Variants in SMTN observed in about 807,000 individuals in gnomAD.
SMTN encodes the protein smoothelin.
A neutral mutation model predicts 102.0 loss-of-function variants in SMTN; 58 were observed. The observed-to-expected ratio is 0.57, with a 90% CI of 0.46 to 0.71. The LOEUF (loss-of-function observed/expected upper bound fraction) is 0.71, where lower values mean the gene tolerates loss of function less well. Ranked by LOEUF, SMTN falls within the 30% of genes least tolerant of loss-of-function variation. The pLI, the probability that SMTN is intolerant of heterozygous loss-of-function variation, is 0.00. For synonymous variants in SMTN, 478 were observed against 497.9 expected (o/e 0.96, Z 0.53); for missense variants, 1,185 against 1,241.7 (o/e 0.95, Z 0.69).
intron 1 of SMTN, among the ~76,000 whole-genome samples, chr22:31,072,903 C>T (rs984099885): frequency 4.6e-4 from 70 of 152,114 alleles, no homozygotes; most frequent in Admixed American, 3.8e-3. Flanking sequence ...GGACTACAGG[C>T]GTGCGGCACC....
In SMTN at chr22:31,099,094, G is replaced by T. The variant is rs769465375; in HGVS notation, c.2366G>T (p.Arg789Leu). Residue 789 changes from arginine to leucine, a missense_variant, in exon 18 of 21, where the codon CGA becomes CTA. By Grantham distance (102) the Arg-to-Leu change is moderately radical. This residue lies in a region of SMTN where 1,096 missense variants were observed against 1,112.7 expected (regional missense o/e 0.98). Coordinates refer to ENST00000333137, the MANE Select transcript of SMTN (RefSeq NM_134269.3). ...GGCGGACCCCGCGCAGCCGTGCAGC[G>T]ATCCACCAGCTTCGGGGTCCCCAAC... ...SPGGPRAAVQ[R>L]STSFGVPNAN... 1.1e-5 allele frequency: 17 copies of T among 1,612,862 alleles called. No homozygotes were observed. The African/African-American group carries it at 2.3e-4, about 22-fold the overall frequency.
At chr22:31,098,897 G>A (rs2043844951) in intron 17 of SMTN, 57 bp downstream of exon 17, 6 of 1,464,716 alleles carry the variant, frequency 4.1e-6, no homozygotes, top group East Asian at 2.3e-5. Context: ...GCAGTGGGGG[G>A]CGGGGCTTGA....
rs762105317 is a variant in SMTN, at chr22:31,091,485, A to G, written c.1459+3A>G. 1 of 1,519,014 alleles carries G rather than the reference A, an allele frequency of 6.6e-7. No individual in the cohort carries two copies. The highest frequency in any genetic ancestry group is 8.8e-7 in the Non-Finnish European group (1 of 1,137,220). 94.1% of individuals were successfully genotyped at this position (1,519,014 alleles called of 1,614,324 possible). On this transcript the variant is annotated splice_donor_region_variant and intron_variant, in intron 10 of 20. Coordinates refer to ENST00000333137, the MANE Select transcript of SMTN (RefSeq NM_134269.3). ...GCCCACAGGCAACCAGAGGGCAGGT[A>G]GGCGCCCCCCACTGCCTCCCCAATG...
chr22:31,104,395 TTCAC>T lies in SMTN; in HGVS notation c.*101_*104del. The T allele has an allele frequency of 6.2e-7, 1 of 1,614,166 alleles. No individual in the cohort carries two copies. The highest frequency in any genetic ancestry group is 8.5e-7 in the Non-Finnish European group (1 of 1,180,020). ...CAAGAAGCCTGACCCCAAGTGTGTCTTCACCTATGTGCAGTCGCTCTACAACCAC... is the reference window on the plus strand; with the variant it reads ...CAAGAAGCCTGACCCCAAGTGTGTCTCTATGTGCAGTCGCTCTACAACCAC... On this transcript the variant is annotated 3_prime_UTR_variant, in exon 21 of 21. Coordinates refer to ENST00000333137, the MANE Select transcript of SMTN (RefSeq NM_134269.3).
chr22:31,098,869 G>A, intron 17 of SMTN, 29 bp downstream of exon 17: 1 of 1,551,924 alleles, frequency 6.4e-7, no homozygotes, highest in Non-Finnish European at 8.7e-7. Flanking sequence ...CTGGGCAGTG[G>A]GGGGCGGGGC....
chr22:31,073,502 C>G (rs182717875), intron 1 of SMTN, among the ~76,000 whole-genome samples: 29 of 152,256 alleles, frequency 1.9e-4, no homozygotes, highest in African/African-American at 6.7e-4. Context: ...TTTCCACATG[C>G]AGAGGATTCA....
At chr22:31,068,597 C>T (rs2041921965) in intron 1 of SMTN, among the ~76,000 whole-genome samples, 1 of 152,258 alleles carries the variant, frequency 6.6e-6, no homozygotes, top group Non-Finnish European at 1.5e-5. Flanking sequence ...ACCAAGGGGT[C>T]ACATGCATCC....
intron 1 of SMTN, chr22:31,082,716 G>GC: frequency 2.9e-6 from 2 of 691,652 alleles, no homozygotes; most frequent in South Asian, 3.6e-5. Flanking sequence ...GGTGGTGGCA[G>GC]CAAGAACTAC....
In SMTN at chr22:31,098,797, C is replaced by G. The variant is rs752002648; in HGVS notation, c.2290C>G (p.Arg764Gly). 4 of 1,612,616 alleles carry G rather than the reference C, an allele frequency of 2.5e-6. No individual in the cohort carries two copies. Among genetic ancestry groups the G allele is most frequent in the Non-Finnish European group, 3.4e-6 (4 of 1,179,778 alleles). Residue 764 changes from arginine (R) to glycine (G), a missense_variant, in exon 17 of 21, where the codon CGC (arginine) becomes GGC (glycine). By Grantham distance (125) the Arg-to-Gly change is moderately radical. This residue lies in a region of SMTN where 1,096 missense variants were observed against 1,112.7 expected (regional missense o/e 0.98). Coordinates refer to ENST00000333137, the MANE Select transcript of SMTN (RefSeq NM_134269.3). Reference sequence around the variant, plus strand: ...GCCCAAGACCTCAGCCTCCCAGGCGCGCAAGGCCATGATTGAGAAGCTGGA... The same window carrying G: ...GCCCAAGACCTCAGCCTCCCAGGCGGGCAAGGCCATGATTGAGAAGCTGGA... ...SLPKTSASQA[R>G]KAMIEKLEKE... is the part of the protein sequence containing the mutation.
At chr22:31,092,530 G>A (rs1386839196) in intron 11 of SMTN, 1 of 471,130 alleles carries the variant, frequency 2.1e-6, no homozygotes, top group African/African-American at 2.0e-5. Context: ...CGGCTGCCCA[G>A]GTAATGCCCT....
rs59040826 is a variant in SMTN, at chr22:31,073,011, C to CTTTT, written c.-385-7421_-385-7418dup. Among the ~76,000 whole-genome samples the CTTTT allele has an allele frequency of 8.2e-5, 7 of 85,664 alleles. 1 individual carries two copies. Among genetic ancestry groups the CTTTT allele is most frequent in the African/African-American group, 2.0e-4 (4 of 19,622 alleles). The allele number at this position is 85,664 out of a possible 152,430, so 56.2% of individuals were successfully genotyped here. A position where few individuals can be genotyped will look rare whatever the true frequency, so the allele number is the denominator to read the frequency against. The stretch of plus-strand genomic sequence containing the variant: ...GCTGAAGTTGATTCTCTCTCTCTCT[C>CTTTT]TTTTTTTTTTTTTTTTTTTTTGAGA... On this transcript the variant is annotated intron_variant, in intron 1 of 3. Coordinates refer to the SMTN transcript ENST00000422839.
At chr22:31,085,130 C>A in intron 2 of SMTN, 1 of 1,535,464 alleles carries the variant, frequency 6.5e-7, no homozygotes, top group Non-Finnish European at 8.7e-7. Flanking sequence ...CACCACCCGC[C>A]GGGACGCCCT....
chr22:31,097,045 G>GTGAGGCGCT lies in SMTN; in HGVS notation c.2075_2083dup (p.Arg694_Ser695insLeuArgArg), dbSNP rs1569264099. The GTGAGGCGCT allele has an allele frequency of 1.9e-6, 3 of 1,614,118 alleles. No homozygotes were observed. Among genetic ancestry groups the GTGAGGCGCT allele is most frequent in the Non-Finnish European group, 2.5e-6 (3 of 1,180,030 alleles). ...CACCACCACAGTGGAGTCGAGTTTC[G>GTGAGGCGCT]TGAGGCGCTCGGAGAGTAAGGCCAC... On this transcript the variant is annotated inframe_insertion, in exon 15 of 21. Transcript: ENST00000333137.
At position 31,099,187 on chromosome 22, in the gene SMTN, C is replaced by G; in HGVS notation, c.2451+8C>G. On this transcript the variant is annotated splice_region_variant and intron_variant, in intron 18 of 20. Coordinates refer to ENST00000333137, the MANE Select transcript of SMTN (RefSeq NM_134269.3). ...AAGACTCGCGGCTACGAGGTGAGCC[C>G]CGGGAGGCCAGGGGGCCTGGAGGCC... 1 of 1,604,870 alleles carries G rather than the reference C, an allele frequency of 6.2e-7. No individual in the cohort carries two copies. Among genetic ancestry groups the G allele is most frequent in the Non-Finnish European group, 8.5e-7 (1 of 1,173,836 alleles).
chr22:31,093,231 C>G (rs1008342597), intron 11 of SMTN: 3 of 253,792 alleles, frequency 1.2e-5, no homozygotes, highest in African/African-American at 6.9e-5. Context: ...GCAGGCCCCC[C>G]CTCCCCCACT....
intron 11 of SMTN, chr22:31,093,978 T>A: frequency 1.3e-6 from 1 of 798,488 alleles, no homozygotes; most frequent in Non-Finnish European, 2.0e-6. Flanking sequence ...AGTTTATCTA[T>A]CTTGACAGGG....
intron 2 of SMTN, chr22:31,085,388 G>C: frequency 2.7e-6 from 3 of 1,128,324 alleles, no homozygotes; most frequent in Non-Finnish European, 3.7e-6. Flanking sequence ...ACCGCCGGCG[G>C]GACCCCCATG....
upstream of SMTN, chr22:31,080,425 A>G (rs1051220813): frequency 1.3e-5 from 2 of 152,042 alleles, no homozygotes; most frequent in African/African-American, 4.8e-5. Flanking sequence ...AAAATAAATG[A>G]TTTGTTATTG....
Position 31,104,538 on chromosome 22 carries a change from C to T in SMTN, c.*243C>T, listed in dbSNP as rs1354617356. 7 of 1,504,402 alleles carry T rather than the reference C, an allele frequency of 4.7e-6. No individual in the cohort carries two copies. Among genetic ancestry groups the T allele is most frequent in the Non-Finnish European group, 4.6e-6 (5 of 1,095,316 alleles). The allele number at this position is 1,504,402 out of a possible 1,614,324, so 93.2% of individuals were successfully genotyped here. The stretch of plus-strand genomic sequence containing the variant: ...CTCCGGGCACCGTCTCCTGCCTGTG[C>T]GTCCGCCCACCGCTGCCCTGTCTGT... On this transcript the variant is annotated 3_prime_UTR_variant, in exon 21 of 21. Coordinates refer to ENST00000333137, the MANE Select transcript of SMTN (RefSeq NM_134269.3).
Sources: allele counts gnomAD v4.1 joint callset (sites outside exome capture counted in the v4.1 genomes callset), GRCh38; gene constraint gnomAD v4.1.1; regional missense constraint gnomAD v4.1.1; transcripts MANE v1.5; gene names NCBI Gene and HGNC (gene_info 2026-07-23, HGNC 2026-07-21).